CDH13: variants seen among roughly 807,000 people sequenced by gnomAD.
CDH13 encodes the protein cadherin 13, also known as cadherin-13.
Under a neutral mutation model 63.8 loss-of-function variants are expected in CDH13, and 24 were observed. The observed-to-expected ratio is 0.38, with a 90% CI of 0.27 to 0.53. The LOEUF is 0.53. CDH13 is among the 20% of genes least tolerant of loss of function. The pLI is 0.85. For synonymous variants in CDH13, 503 were observed against 355.3 expected (o/e 1.42, Z -4.67); for missense variants, 1,049 against 903.1 (o/e 1.16, Z -2.07).
At chr16:82,877,703 C>T (rs2040550785) in intron 2 of CDH13, among the ~76,000 whole-genome samples, 1 of 151,924 alleles carries the variant, frequency 6.6e-6, no homozygotes, top group African/African-American at 2.4e-5. Context: ...AGAAAGCATG[C>T]AAAAATACCC....
intron 1 of CDH13, among the ~76,000 whole-genome samples, chr16:82,660,936 A>C (rs1489948765): frequency 1.7e-5 from 2 of 116,516 alleles, no homozygotes; most frequent in African/African-American, 5.4e-5. Context: ...TTCTTTTATC[A>C]AAAAAAAAAA....
chr16:82,918,743 A>G (rs1230323236), intron 2 of CDH13, among the ~76,000 whole-genome samples: 1 of 151,992 alleles, frequency 6.6e-6, no homozygotes, highest in Non-Finnish European at 1.5e-5. Flanking sequence ...TCCTGACCTC[A>G]GGTGATCTGC....
intron 8 of CDH13, chr16:83,654,917 C>G (rs1567487028): frequency 6.6e-6 from 1 of 152,316 alleles, no homozygotes; most frequent in African/African-American, 2.4e-5. Flanking sequence ...GGGCTGCTCC[C>G]TGGGGCACGT....
chr16:83,136,770 A>G (rs1449057372), intron 4 of CDH13, among the ~76,000 whole-genome samples: 4 of 152,174 alleles, frequency 2.6e-5, no homozygotes, highest in Non-Finnish European at 5.9e-5. Flanking sequence ...AACACCAGGG[A>G]TGTTCCGCAG....
At chr16:82,881,570 G>T (rs141467672) in intron 2 of CDH13, among the ~76,000 whole-genome samples, 1 of 152,264 alleles carries the variant, frequency 6.6e-6, no homozygotes, top group Non-Finnish European at 1.5e-5. Flanking sequence ...ACCCATAGAG[G>T]ACTGACAGGT....
intron 4 of CDH13, among the ~76,000 whole-genome samples, chr16:83,203,744 C>A (rs941438954): frequency 3.3e-5 from 5 of 151,444 alleles, no homozygotes; most frequent in African/African-American, 1.2e-4. Flanking sequence ...TTTAACCTTT[C>A]CCTGGGAACA....
chr16:83,612,257 G>T (rs550977807), intron 8 of CDH13, among the ~76,000 whole-genome samples: 29 of 152,116 alleles, frequency 1.9e-4, no homozygotes, highest in African/African-American at 6.7e-4. Context: ...ATCATGAAAT[G>T]TACCTCTCTA....
chr16:83,557,072 C>G (rs8052507), intron 7 of CDH13, among the ~76,000 whole-genome samples: 49,172 of 152,104 alleles, frequency 0.32, 8,025 homozygotes, highest in Middle Eastern at 0.38. Context: ...CCCATTGCTC[C>G]CATTACTTCC....
intron 13 of CDH13, among the ~76,000 whole-genome samples, chr16:83,793,722 G>A (rs1396822092): frequency 2.0e-5 from 3 of 151,518 alleles, no homozygotes; most frequent in Admixed American, 1.3e-4. Flanking sequence ...TGAGGCAAAA[G>A]AATCGCTCAA....
intron 6 of CDH13, among the ~76,000 whole-genome samples, chr16:83,479,061 T>C (rs764391454): frequency 1.3e-5 from 2 of 152,212 alleles, no homozygotes; most frequent in Non-Finnish European, 2.9e-5. Context: ...TTTCATCAAC[T>C]AGTCATTCGA....
intron 1 of CDH13, among the ~76,000 whole-genome samples, chr16:82,757,100 C>G (rs959674906): frequency 6.6e-6 from 1 of 152,124 alleles, no homozygotes; most frequent in African/African-American, 2.4e-5. Context: ...CCTCTCTTCC[C>G]ACACAACTCT....
intron 2 of CDH13, among the ~76,000 whole-genome samples, chr16:83,015,285 C>G (rs549123628): frequency 6.6e-6 from 1 of 151,482 alleles, no homozygotes; most frequent in Admixed American, 6.6e-5. Context: ...GGATGTATAC[C>G]TATTTAAAGA....
At chr16:82,839,411 G>A (rs780213196) in intron 1 of CDH13, among the ~76,000 whole-genome samples, 2 of 152,132 alleles carry the variant, frequency 1.3e-5, no homozygotes, top group African/African-American at 2.4e-5. Flanking sequence ...CTCAATTTGC[G>A]TGTGCCATCA....
chr16:83,151,247 T>C (rs765083271), intron 4 of CDH13, among the ~76,000 whole-genome samples: 28 of 152,178 alleles, frequency 1.8e-4, no homozygotes, highest in Non-Finnish European at 3.7e-4. Context: ...ATATGCTCCA[T>C]GACAAACATG....
intron 6 of CDH13, among the ~76,000 whole-genome samples, chr16:83,369,196 C>G (rs1009614817): frequency 1.7e-4 from 26 of 151,222 alleles, no homozygotes; most frequent in African/African-American, 6.3e-4. Context: ...TGGTCATGAT[C>G]AAAAAATGAA....
intron 1 of CDH13, among the ~76,000 whole-genome samples, chr16:82,719,845 CAAAAA>C (rs34017657): frequency 6.8e-5 from 6 of 88,202 alleles, no homozygotes; most frequent in Admixed American, 2.5e-4. Flanking sequence ...GACTCTGTCT[CAAAAA>C]AAAAAAAAAA....
At chr16:83,617,127 G>A (rs1181050576) in intron 8 of CDH13, among the ~76,000 whole-genome samples, 2 of 152,002 alleles carry the variant, frequency 1.3e-5, no homozygotes, top group African/African-American at 2.4e-5. Context: ...TCCCTAATCC[G>A]CTTGGAATGC....
In CDH13 at chr16:82,730,641, G is replaced by A. The variant is rs540136177; in HGVS notation, c.45+103504G>A. Among the ~76,000 whole-genome samples, 3 of 152,306 alleles carry A rather than the reference G, an allele frequency of 2.0e-5. No homozygotes were observed. In the South Asian group the frequency reaches 6.2e-4, roughly 32 times the overall value. ...AAAATGTGACACAGACAAGAAGTGA[G>A]CACATTCTGTTGGAAAAATGACACC... On this transcript the variant is annotated intron_variant, in intron 1 of 13. Transcript: ENST00000567109.
chr16:83,311,759 A>C (rs574431040), intron 5 of CDH13, among the ~76,000 whole-genome samples: 1 of 152,286 alleles, frequency 6.6e-6, no homozygotes, highest in South Asian at 2.1e-4. Flanking sequence ...AGCTTGGACA[A>C]ATTCTACGCA....
Sources: allele counts gnomAD v4.1 joint callset (sites outside exome capture counted in the v4.1 genomes callset), GRCh38; gene constraint gnomAD v4.1.1; transcripts MANE v1.5; gene names NCBI Gene and HGNC (gene_info 2026-07-23, HGNC 2026-07-21).